TMEM178A: variants seen among roughly 807,000 people sequenced by gnomAD.
TMEM178A encodes the protein transmembrane protein 178A.
A neutral mutation model predicts 29.1 loss-of-function variants in TMEM178A; 12 were observed. The ratio of observed to expected loss-of-function variants is 0.41; its 90% CI spans 0.26 to 0.67. TMEM178A has a LOEUF of 0.67. Ranked by LOEUF, TMEM178A falls within the 30% of genes least tolerant of loss-of-function variation. The probability of loss-of-function intolerance (pLI) is 0.29; values close to 1 mark genes in which losing one functional copy is unlikely to be tolerated. For missense variants in TMEM178A, 366 were observed against 419.1 expected (o/e 0.87, Z 1.11); for synonymous variants, 210 against 187.2 (o/e 1.12, Z -0.99).
At chr2:39,734,716 T>C in the TMEM178A span, among the ~76,000 whole-genome samples, 1 of 152,180 alleles carries the variant, frequency 6.6e-6, no homozygotes, top group African/African-American at 2.4e-5. Context: ...GACTAGCAAG[T>C]CCAAAACAGA....
At chr2:39,700,378 C>T (rs1023489413) in intron 1 of TMEM178A, among the ~76,000 whole-genome samples, 1 of 152,072 alleles carries the variant, frequency 6.6e-6, no homozygotes, top group African/African-American at 2.4e-5. Context: ...ATGTTTATGA[C>T]TGCTGTATCT....
At position 39,707,188 on chromosome 2, in the gene TMEM178A, T is replaced by G. The variant is rs1238106143; in HGVS notation, c.652+2T>G. On this transcript the variant is annotated splice_donor_variant, in intron 3 of 3. Transcript: ENST00000281961. LOFTEE classifies it high-confidence loss of function. ...CTGGACTCCTGTTCCTCATGACAGGTAGGCTGCATGCCTCAGGCCGTCTGT... is the reference window on the plus strand; with the variant it reads ...CTGGACTCCTGTTCCTCATGACAGGGAGGCTGCATGCCTCAGGCCGTCTGT... 1 of 1,609,284 alleles carries G rather than the reference T, an allele frequency of 6.2e-7. No homozygotes were observed. Among genetic ancestry groups the G allele is most frequent in the African/African-American group, 1.3e-5 (1 of 74,710 alleles).
intron 1 of TMEM178A, chr2:39,687,187 G>T (rs752344207): frequency 6.1e-6 from 1 of 164,110 alleles, no homozygotes; most frequent in Non-Finnish European, 1.5e-5. Flanking sequence ...TCATGCTGTC[G>T]TCAGAACTGG....
At chr2:39,668,853 T>A (rs1670287165) in intron 1 of TMEM178A, among the ~76,000 whole-genome samples, 1 of 152,196 alleles carries the variant, frequency 6.6e-6, no homozygotes, top group Admixed American at 6.5e-5. Flanking sequence ...TATGAATAAT[T>A]TGAGAAAAGA....
In TMEM178A at chr2:39,706,681, A is replaced by C. The variant is rs1262014408; in HGVS notation, c.515-368A>C. Among the ~76,000 whole-genome samples, 4 of 152,088 alleles carry C rather than the reference A, an allele frequency of 2.6e-5. No homozygotes were observed. The East Asian group carries it at 7.8e-4, about 29-fold the overall frequency. ...TTTGGGGTACAGGTGGTTTTTGGTT[A>C]ACCTACATTTCTATTGTTCTGTTAA... On this transcript the variant is annotated intron_variant, in intron 2 of 3. Coordinates refer to ENST00000281961, the MANE Select transcript of TMEM178A (RefSeq NM_152390.3).
chr2:39,684,095 G>A (rs541155621), intron 1 of TMEM178A, among the ~76,000 whole-genome samples: 41 of 152,216 alleles, frequency 2.7e-4, no homozygotes, highest in South Asian at 6.2e-4. Flanking sequence ...TCTGCCTCTA[G>A]CCTTTTGTGT....
chr2:39,712,315 C>A, intron 3 of TMEM178A, among the ~76,000 whole-genome samples: 1 of 151,936 alleles, frequency 6.6e-6, no homozygotes, highest in Non-Finnish European at 1.5e-5. Context: ...ACTTCCACTC[C>A]TTTCAGTCTT....
chr2:39,683,122 T>C (rs1229500572), intron 1 of TMEM178A, among the ~76,000 whole-genome samples: 1 of 152,242 alleles, frequency 6.6e-6, no homozygotes, highest in African/African-American at 2.4e-5. Context: ...TCATTTTCTC[T>C]GTATTTACAG....
chr2:39,680,637 C>A (rs536485289), intron 1 of TMEM178A, among the ~76,000 whole-genome samples: 64 of 152,242 alleles, frequency 4.2e-4, no homozygotes, highest in African/African-American at 1.5e-3. Context: ...GTAGAGAATG[C>A]AAAAGGAGTA....
intron 1 of TMEM178A, among the ~76,000 whole-genome samples, chr2:39,686,030 T>C (rs1395438224): frequency 1.3e-5 from 2 of 152,236 alleles, no homozygotes; most frequent in Non-Finnish European, 2.9e-5. Context: ...TGCACATTCG[T>C]GCCTTGGTGA....
the TMEM178A span, among the ~76,000 whole-genome samples, chr2:39,734,551 T>G: frequency 2.0e-5 from 3 of 152,238 alleles, no homozygotes; most frequent in Non-Finnish European, 4.4e-5. Flanking sequence ...ACCTTTTTCT[T>G]AAAGTGCAGA....
At chr2:39,719,456 AG>A (rs1672659624), downstream of TMEM178A, among the ~76,000 whole-genome samples, 1 of 152,216 alleles carries the variant, frequency 6.6e-6, no homozygotes, top group African/African-American at 2.4e-5. Flanking sequence ...AGTGCTGGCA[AG>A]GACTGAGGCT....
intron 1 of TMEM178A, among the ~76,000 whole-genome samples, chr2:39,673,039 T>C (rs1302375267): frequency 1.3e-5 from 2 of 152,230 alleles, no homozygotes; most frequent in East Asian, 3.8e-4. Flanking sequence ...ACATCTGTAG[T>C]GCTGTGTGCT....
intron 3 of TMEM178A, among the ~76,000 whole-genome samples, chr2:39,708,566 G>C (rs3902124): frequency 0.4 from 60,222 of 149,620 alleles, 13,188 homozygotes; most frequent in East Asian, 0.76. Flanking sequence ...CTACAGGCGC[G>C]CGCCACCATG....
intron 1 of TMEM178A, among the ~76,000 whole-genome samples, chr2:39,668,143 C>T (rs1395235875): frequency 6.6e-6 from 1 of 152,210 alleles, no homozygotes; most frequent in Non-Finnish European, 1.5e-5. Context: ...CCCTGGCTAA[C>T]TGAGGTGCCA....
Position 39,707,096 on chromosome 2 carries a change from C to G in TMEM178A, c.562C>G (p.Leu188Val). Residue 188 changes from leucine to valine, a missense_variant, in exon 3 of 4, where the codon CTT becomes GTT. Physicochemically the swap from Leu to Val is conservative, Grantham distance 32 (BLOSUM62 1). Around this residue, in one of 2 missense-constraint regions of TMEM178A, gnomAD observed 119 missense variants for 172.2 expected, o/e 0.69. Transcript: ENST00000281961. ...AGFLGMAVAV[L>V]LCGCIVATVS... is the part of the protein sequence containing the mutation. ...CTTCCTCGGCATGGCCGTAGCCGTC[C>G]TTCTCTGCGGCTGCATTGTGGCCAC... The G allele has an allele frequency of 6.2e-7, 1 of 1,614,116 alleles. No individual in the cohort carries two copies. The highest frequency in any genetic ancestry group is 1.3e-5 in the African/African-American group (1 of 75,058).
chr2:39,675,323 A>C (rs1372885159), intron 1 of TMEM178A, among the ~76,000 whole-genome samples: 1 of 152,172 alleles, frequency 6.6e-6, no homozygotes, highest in Admixed American at 6.5e-5. Flanking sequence ...GCAGCTGTAT[A>C]AATAACTCAT....
chr2:39,697,721 T>A (rs1671605445), intron 1 of TMEM178A: 1 of 152,308 alleles, frequency 6.6e-6, no homozygotes, highest in Non-Finnish European at 1.5e-5. Context: ...ACTACTTACC[T>A]AATTCCTGGC....
At chr2:39,705,525 G>A (rs754583915) in intron 2 of TMEM178A, among the ~76,000 whole-genome samples, 6 of 152,192 alleles carry the variant, frequency 3.9e-5, no homozygotes, top group African/African-American at 7.2e-5. Flanking sequence ...TAAACTCAGC[G>A]TCTTTAAATT....
Sources: allele counts gnomAD v4.1 joint callset (sites outside exome capture counted in the v4.1 genomes callset), GRCh38; gene constraint gnomAD v4.1.1; regional missense constraint gnomAD v4.1.1; transcripts MANE v1.5; gene names NCBI Gene and HGNC (gene_info 2026-07-23, HGNC 2026-07-21).